AR: variants seen among roughly 807,000 people sequenced by gnomAD.
The protein encoded by AR is androgen receptor.
Under a neutral mutation model 53.9 loss-of-function variants are expected in AR, and 8 were observed. The observed-to-expected ratio is 0.15, with a 90% CI of 0.09 to 0.27. The LOEUF (loss-of-function observed/expected upper bound fraction) is 0.27, where lower values mean the gene tolerates loss of function less well. Ranked by LOEUF, AR falls within the 10% of genes least tolerant of loss-of-function variation. The pLI, the probability that AR is intolerant of heterozygous loss-of-function variation, is 1.00. For synonymous variants in AR, 359 were observed against 316.4 expected, an observed-to-expected ratio of 1.13 and a Z score of -1.43; for missense variants, 639 against 742.5, an observed-to-expected ratio of 0.86 and a Z score of 1.62.
intron 1 of AR, among the ~76,000 whole-genome samples, chrX:67,629,582 A>C (rs1242192633): frequency 3.6e-5 from 4 of 109,991 alleles, no homozygotes; most frequent in African/African-American, 1.3e-4. Flanking sequence ...TCCTTTCAAA[A>C]AACCACCTCC....
In AR at chrX:67,647,448, G is replaced by C. The variant is rs781403547; in HGVS notation, c.1768+4041G>C. On this transcript the variant is annotated intron_variant, in intron 2 of 7. Transcript: ENST00000374690. ...CTCAACTCATGTGGAATTGAATGTT[G>C]CCTCTAGTTTGGAGTCTAGCAGAGA... Among the ~76,000 whole-genome samples, 8 of 111,835 alleles carry C rather than the reference G, an allele frequency of 7.2e-5. No individual in the cohort carries two copies. In the Admixed American group the frequency reaches 7.6e-4, roughly 11 times the overall value.
intron 1 of AR, among the ~76,000 whole-genome samples, chrX:67,556,596 G>A (rs1216829273): frequency 1.8e-5 from 2 of 111,997 alleles, no homozygotes; most frequent in East Asian, 2.8e-4. Flanking sequence ...AAATCTCTTC[G>A]TGGAGCAGAC....
intron 2 of AR, among the ~76,000 whole-genome samples, chrX:67,662,511 T>A (rs1261198841): frequency 9.1e-4 from 102 of 111,731 alleles, no homozygotes; most frequent in Middle Eastern, 4.6e-3. Context: ...TTTGAGTGAG[T>A]TTCTTAATCC....
intron 2 of AR, among the ~76,000 whole-genome samples, chrX:67,667,786 A>T (rs1927345566): frequency 9.1e-6 from 1 of 110,164 alleles, no homozygotes; most frequent in African/African-American, 3.3e-5. Context: ...CATTTATTTG[A>T]CTAAGTTTAT....
intron 2 of AR, among the ~76,000 whole-genome samples, chrX:67,673,954 G>A (rs770682677): frequency 9.0e-6 from 1 of 110,769 alleles, no homozygotes; most frequent in Non-Finnish European, 1.9e-5. Context: ...CCAAGTATTC[G>A]AAGGGATTTG....
intron 1 of AR, among the ~76,000 whole-genome samples, chrX:67,612,040 T>C (rs925444949): frequency 8.9e-6 from 1 of 112,513 alleles, no homozygotes; most frequent in African/African-American, 3.2e-5. Context: ...CCTGTGTGTT[T>C]TGGATATTTA....
intron 4 of AR, among the ~76,000 whole-genome samples, chrX:67,716,451 C>T (rs1240665213): frequency 9.0e-6 from 1 of 111,634 alleles, no homozygotes; most frequent in Non-Finnish European, 1.9e-5. Flanking sequence ...GCATTCTAGG[C>T]AAAAGTAACT....
intron 2 of AR, among the ~76,000 whole-genome samples, chrX:67,683,875 G>GA (rs201630209): frequency 0.015 from 1,458 of 94,964 alleles, 20 homozygotes; most frequent in African/African-American, 0.045. Context: ...GTTCCAAATT[G>GA]AAAAAAAAAA....
At chrX:67,691,878 G>A (rs181115896) in intron 3 of AR, among the ~76,000 whole-genome samples, 44 of 112,164 alleles carry the variant, frequency 3.9e-4, no homozygotes, top group African/African-American at 1.3e-3. Flanking sequence ...CCAAAGCATG[G>A]TTATTGCCCA....
intron 3 of AR, among the ~76,000 whole-genome samples, chrX:67,701,401 G>A (rs1333764833): frequency 2.7e-5 from 3 of 110,530 alleles, no homozygotes; most frequent in Non-Finnish European, 5.7e-5. Context: ...TTAGAGCCCT[G>A]GCTCTAATCT....
intron 1 of AR, among the ~76,000 whole-genome samples, chrX:67,616,947 C>G (rs1460089618): frequency 9.0e-6 from 1 of 111,270 alleles, no homozygotes; most frequent in African/African-American, 3.3e-5. Flanking sequence ...CCTAAGGCCT[C>G]AGAAATAAGG....
chrX:67,649,822 A>G (rs1926248516), intron 2 of AR, among the ~76,000 whole-genome samples: 1 of 111,975 alleles, frequency 8.9e-6, no homozygotes, highest in Admixed American at 9.5e-5. Flanking sequence ...CTCATTCTGT[A>G]GGTTGGTTGT....
intron 2 of AR, among the ~76,000 whole-genome samples, chrX:67,668,462 G>C (rs1427999781): frequency 9.0e-6 from 1 of 111,231 alleles, no homozygotes; most frequent in Non-Finnish European, 1.9e-5. Context: ...AATTCAGTTT[G>C]CTAGTATTTT....
chrX:67,729,701 A>G lies in AR; in HGVS notation c.*5860A>G, dbSNP rs183768730. On this transcript the variant is annotated 3_prime_UTR_variant, in exon 8 of 8. Transcript: ENST00000374690. ...AAGCTACTTAACAAGATTGTCATGG[A>G]GCTGCAGATTCCATTGCCCACCAAA... The G allele has an allele frequency of 8.4e-4, 145 of 172,566 alleles. No homozygotes were observed. The highest frequency in any genetic ancestry group is 2.6e-3 in the Admixed American group (32 of 12,485). 14.2% of individuals were successfully genotyped at this position (172,566 alleles called of 1,213,427 possible). A position where few individuals can be genotyped will look rare whatever the true frequency, so the allele number is the denominator to read the frequency against.
intron 3 of AR, among the ~76,000 whole-genome samples, chrX:67,686,424 G>T (rs914552504): frequency 9.0e-6 from 1 of 111,645 alleles, no homozygotes; most frequent in Non-Finnish European, 1.9e-5. Context: ...AGGGCCCCCA[G>T]GGGACTTAAT....
At chrX:67,560,540 A>G (rs1921254093) in intron 1 of AR, among the ~76,000 whole-genome samples, 1 of 111,594 alleles carries the variant, frequency 9.0e-6, no homozygotes, top group Non-Finnish European at 1.9e-5. Flanking sequence ...CTTGCTGTAT[A>G]GTTGTGTAAT....
intron 5 of AR, among the ~76,000 whole-genome samples, chrX:67,719,445 A>T (rs1282393761): frequency 2.7e-5 from 3 of 111,504 alleles, no homozygotes; most frequent in Admixed American, 9.5e-5. Context: ...CTAAGTAAGC[A>T]TGTGGCATCC....
intron 1 of AR, among the ~76,000 whole-genome samples, chrX:67,551,807 G>A (rs974034507): frequency 1.8e-5 from 2 of 111,702 alleles, no homozygotes; most frequent in Non-Finnish European, 3.8e-5. Context: ...CTCAGTAGCT[G>A]CTACATAGAG....
intron 2 of AR, among the ~76,000 whole-genome samples, chrX:67,675,692 A>G (rs1230296593): frequency 8.9e-6 from 1 of 111,762 alleles, no homozygotes; most frequent in Non-Finnish European, 1.9e-5. Context: ...GCAATTCAAG[A>G]ATGTCTTTCC....
Sources: gnomAD v4.1 joint callset for allele counts (sites outside exome capture counted in the v4.1 genomes callset) on GRCh38, gnomAD v4.1.1 for gene constraint, MANE v1.5 for transcripts, NCBI Gene and HGNC (gene_info 2026-07-23, HGNC 2026-07-21) for gene names.